Variants in ANKRD28 observed in about 807,000 individuals in gnomAD.
ANKRD28 encodes the protein ankyrin repeat domain 28.
A neutral mutation model predicts 126.5 loss-of-function variants in ANKRD28; 44 were observed. The ratio of observed to expected loss-of-function variants is 0.35; its 90% CI spans 0.27 to 0.45. ANKRD28 has a LOEUF of 0.45. Ranked by LOEUF, ANKRD28 falls within the 20% of genes least tolerant of loss-of-function variation. ANKRD28 has a pLI of 1.00. For missense variants in ANKRD28, 1,110 were observed against 1,316.6 expected (o/e 0.84, Z 2.43); for synonymous variants, 442 against 468.5 (o/e 0.94, Z 0.73).
rs924216192 is a variant in ANKRD28, at chr3:15,815,196, A to C, written c.28-19890T>G. ...TAGTGAAATGGCTTGTCTTCACATA[A>C]ATAAAATTAGGCCTAAAAAATTATG... On this transcript the variant is annotated intron_variant, in intron 1 of 27. Transcript: ENST00000399451. This position sits in a 1 kb window ranked among gnomAD's most constrained non-coding sequence, Gnocchi z 4.1. Among the ~76,000 whole-genome samples, 4 of 152,246 alleles carry C rather than the reference A, an allele frequency of 2.6e-5. No homozygotes were observed. The highest frequency in any genetic ancestry group is 4.1e-4 in the South Asian group (2 of 4,830).
At chr3:15,818,543 A>C (rs1053054447) in intron 1 of ANKRD28, among the ~76,000 whole-genome samples, 4 of 152,236 alleles carry the variant, frequency 2.6e-5, no homozygotes, top group African/African-American at 9.6e-5. Context: ...GACTAGGAAT[A>C]CTCAACCTGT....
At chr3:15,676,133 T>C (rs2066911094) in intron 26 of ANKRD28, 144 bp from the exon 27 acceptor site, 2 of 547,688 alleles carry the variant, frequency 3.7e-6, no homozygotes. Flanking sequence ...ATAACAAAGA[T>C]GGGGGCAGGG....
chr3:15,808,545 A>T (rs993813905), intron 1 of ANKRD28, among the ~76,000 whole-genome samples: 1 of 152,230 alleles, frequency 6.6e-6, no homozygotes, highest in South Asian at 2.1e-4. Context: ...AGTACTTCTT[A>T]CATCTCAGGC....
intron 4 of ANKRD28, among the ~76,000 whole-genome samples, chr3:15,749,268 G>A (rs13069238): frequency 0.49 from 73,596 of 149,774 alleles, 20,021 homozygotes; most frequent in Non-Finnish European, 0.6. Flanking sequence ...CCGCCACCGC[G>A]CCCGGCTAAT....
At chr3:15,760,686 G>A (rs1186196236) in intron 3 of ANKRD28, among the ~76,000 whole-genome samples, 2 of 152,164 alleles carry the variant, frequency 1.3e-5, no homozygotes, top group Non-Finnish European at 2.9e-5. Flanking sequence ...AAAGAGATAA[G>A]ACAATGTAGA....
At chr3:15,757,408 C>T (rs1042443391) in intron 3 of ANKRD28, among the ~76,000 whole-genome samples, 2 of 152,120 alleles carry the variant, frequency 1.3e-5, no homozygotes, top group Admixed American at 6.6e-5. Flanking sequence ...CCAGTTATAA[C>T]GTTCTATCCT....
intron 2 of ANKRD28, among the ~76,000 whole-genome samples, chr3:15,793,472 A>T (rs1173017769): frequency 1.3e-5 from 2 of 151,806 alleles, no homozygotes; most frequent in African/African-American, 2.4e-5. Flanking sequence ...ATGACTCTGA[A>T]TTTTTTTTTA....
Position 15,761,951 on chromosome 3 carries a change from C to T in ANKRD28, c.280+4283G>A, listed in dbSNP as rs978813451. ...CTGTAATCCCAGCACTTTGGGAGGC[C>T]GTGGTGGGTGGATCACCTGGGGTCA... On this transcript the variant is annotated intron_variant, in intron 3 of 27. Transcript: ENST00000683139. 9.2e-5 allele frequency among the ~76,000 whole-genome samples: 14 copies of T among 152,042 alleles called. No homozygotes were observed. The East Asian group carries it at 1.9e-3, about 21-fold the overall frequency.
chr3:15,767,783 G>C (rs34263252), intron 2 of ANKRD28, among the ~76,000 whole-genome samples: 20,239 of 145,666 alleles, frequency 0.14, 2,123 homozygotes, highest in East Asian at 0.6. Context: ...GGCTACTTGG[G>C]AGGCTGAGGC....
rs149384714 is a variant in ANKRD28 at position 15,795,216 on chromosome 3, G to GT, written c.201+6dup. The GT allele has an allele frequency of 0.086, 137,071 of 1,589,638 alleles. 6,533 individuals are homozygous for GT. Among genetic ancestry groups the GT allele is most frequent in the African/African-American group, 0.13 (9,327 of 74,416 alleles). On this transcript the variant is annotated splice_region_variant and intron_variant, in intron 2 of 27. Transcript: ENST00000683139. ...AAAGGCTGGCATCAGTGAATTAACT[G>GT]TTTTACCTGAAAGTTAACATCTTCT...
In ANKRD28 at chr3:15,678,257, T is replaced by C. The variant is rs745460320; in HGVS notation, c.2659A>G (p.Lys887Glu). The C allele has an allele frequency of 9.9e-6, 16 of 1,612,878 alleles. No individual in the cohort carries two copies. Among genetic ancestry groups the C allele is most frequent in the Non-Finnish European group, 1.4e-5 (16 of 1,179,710 alleles). ...AQVNSVDSTG[K>E]TPLMMAAENG... Reference sequence around the variant, plus strand: ...TCTGCAGCCATCATAAGAGGTGTTTTCCCTGTAGAGTCCACAGAATTGACT... The same window carrying C: ...TCTGCAGCCATCATAAGAGGTGTTTCCCCTGTAGAGTCCACAGAATTGACT... The change falls in exon 24 of 28, where the codon AAA (lysine) becomes GAA (glutamate). Residue 887 changes from lysine to glutamate, a missense_variant. Physicochemically the swap from Lys to Glu is moderately conservative, Grantham distance 56. Transcript: ENST00000683139.
At chr3:15,783,751 A>G (rs1263776928) in intron 2 of ANKRD28, among the ~76,000 whole-genome samples, 1 of 152,050 alleles carries the variant, frequency 6.6e-6, no homozygotes, top group African/African-American at 2.4e-5. Context: ...GCTGAATGAA[A>G]AAAGCAGAAG....
At chr3:15,735,537 G>T in intron 5 of ANKRD28, 40 bp from the exon 6 acceptor site, 2 of 1,406,322 alleles carry the variant, frequency 1.4e-6, no homozygotes, top group Non-Finnish European at 2.0e-6. Context: ...AAATTGTGAA[G>T]CACAATTGTC....
intron 15 of ANKRD28, 107 bp downstream of exon 15, chr3:15,696,027 T>TA: frequency 1.2e-6 from 1 of 805,802 alleles, no homozygotes; most frequent in Non-Finnish European, 2.0e-6. Context: ...CTGAAAATGT[T>TA]AAAAAACAAA....
At chr3:15,834,753 T>C (rs192480644) in intron 1 of ANKRD28, among the ~76,000 whole-genome samples, 1 of 152,316 alleles carries the variant, frequency 6.6e-6, no homozygotes, top group East Asian at 1.9e-4. Context: ...AACAAAGCTA[T>C]TTATACATTT....
rs377156259 is a variant in ANKRD28 at position 15,714,863 on chromosome 3, A to C, written c.997-207T>G. Among the ~76,000 whole-genome samples, 7 of 152,308 alleles carry C rather than the reference A, an allele frequency of 4.6e-5. No homozygotes were observed. In the East Asian group the frequency reaches 9.6e-4, roughly 21 times the overall value. Reference sequence around the variant, plus strand: ...TATCATAAAACACAAATATACAAAAATTCCATGCTTACAATTTATAAAAAT... The same window carrying C: ...TATCATAAAACACAAATATACAAAACTTCCATGCTTACAATTTATAAAAAT... On this transcript the variant is annotated intron_variant, in intron 8 of 27. Transcript: ENST00000683139.
At chr3:15,789,519 T>C (rs150995732) in intron 2 of ANKRD28, among the ~76,000 whole-genome samples, 1 of 152,054 alleles carries the variant, frequency 6.6e-6, no homozygotes, top group Non-Finnish European at 1.5e-5. Context: ...CATAAGTACA[T>C]GATACAGCAG....
intron 24 of ANKRD28, 176 bp from the exon 25 acceptor site, chr3:15,677,738 AT>A (rs993909824): frequency 1.7e-5 from 8 of 461,554 alleles, no homozygotes; most frequent in Non-Finnish European, 3.1e-5. Context: ...GTATGAGACA[AT>A]TATATTGTTG....
intron 1 of ANKRD28, among the ~76,000 whole-genome samples, chr3:15,847,466 A>G (rs1256436140): frequency 6.6e-6 from 1 of 152,162 alleles, no homozygotes; most frequent in African/African-American, 2.4e-5. Flanking sequence ...ATTATCACCT[A>G]AAAGCCCAGC....
Sources: gnomAD v4.1 joint callset for allele counts (sites outside exome capture counted in the v4.1 genomes callset) on GRCh38, gnomAD v4.1.1 for gene constraint, Gnocchi (gnomAD v3.1) non-coding constraint, MANE v1.5 for transcripts, NCBI Gene and HGNC (gene_info 2026-07-23, HGNC 2026-07-21) for gene names.